Variants in CRHBP observed in about 807,000 individuals in gnomAD.
CRHBP encodes corticotropin-releasing hormone-binding protein.
Under a neutral mutation model 34.9 loss-of-function variants are expected in CRHBP, and 19 were observed. The observed-to-expected ratio is 0.55, with a 90% confidence interval of 0.38 to 0.80. The LOEUF is 0.80. CRHBP is among the 30% of genes least tolerant of loss of function. CRHBP has a pLI of 0.00. For missense variants in CRHBP, 328 were observed against 409.2 expected (o/e 0.80, Z 1.71); for synonymous variants, 154 against 153.4 (o/e 1.00, Z -0.03).
At chr5:76,974,611 G>T (rs950866348) in intron 2 of CRHBP, among the ~76,000 whole-genome samples, 3 of 152,128 alleles carry the variant, frequency 2.0e-5, no homozygotes, top group Admixed American at 6.5e-5. Flanking sequence ...AATGCCTATT[G>T]TAGGGTAGTC....
downstream of CRHBP, among the ~76,000 whole-genome samples, chr5:76,971,156 C>T (rs1233327692): frequency 2.0e-5 from 3 of 152,108 alleles, no homozygotes; most frequent in Non-Finnish European, 4.4e-5. Flanking sequence ...GGAAGTATAG[C>T]GTAGTGGTTA....
chr5:76,976,863 T>C (rs185516013), intron 3 of CRHBP, among the ~76,000 whole-genome samples: 1 of 152,356 alleles, frequency 6.6e-6, no homozygotes, highest in Non-Finnish European at 1.5e-5. Context: ...ATTACTATTT[T>C]TTTTCTTGAA....
At chr5:76,957,511 G>A (rs557278938) in intron 4 of CRHBP, among the ~76,000 whole-genome samples, 4 of 152,120 alleles carry the variant, frequency 2.6e-5, no homozygotes, top group African/African-American at 7.2e-5. Context: ...TCAGCCTCCC[G>A]AGTAGCTGGG....
intron 3 of CRHBP, among the ~76,000 whole-genome samples, chr5:76,980,067 C>A (rs980946451): frequency 6.6e-6 from 1 of 150,616 alleles, no homozygotes; most frequent in Non-Finnish European, 1.5e-5. Flanking sequence ...CTGGCTAACA[C>A]GGTGAAACCC....
chr5:76,979,475 C>T (rs541217002), intron 3 of CRHBP, among the ~76,000 whole-genome samples: 57 of 152,108 alleles, frequency 3.7e-4, no homozygotes, highest in Non-Finnish European at 7.2e-4. Context: ...CTCAGCCTCC[C>T]GAGTAGCTGG....
intron 5 of CRHBP, chr5:76,963,091 T>TA (rs544946133): frequency 5.7e-5 from 23 of 403,396 alleles, no homozygotes; most frequent in Middle Eastern, 6.9e-4. Context: ...TCCTTGAGCT[T>TA]AAAAAAAATG....
At chr5:76,958,694 G>A (rs1745728013) in intron 4 of CRHBP, 47 bp from the exon 5 acceptor site, 1 of 1,575,760 alleles carries the variant, frequency 6.3e-7, no homozygotes, top group Non-Finnish European at 8.6e-7. Flanking sequence ...TAAAAACCTA[G>A]CAAACCAAGT....
In CRHBP at chr5:76,963,292, A is replaced by G. The variant is rs147534880; in HGVS notation, c.694-51A>G. ...GACCCGCTGTTGGTCAAATGGTTTGACTTCTGTAATTGGTTTAAATGTGTC... is the reference window on the plus strand; with the variant it reads ...GACCCGCTGTTGGTCAAATGGTTTGGCTTCTGTAATTGGTTTAAATGTGTC... On this transcript the variant is annotated intron_variant, in intron 5 of 6. Transcript: ENST00000274368. The G allele has an allele frequency of 7.6e-4, 1,151 of 1,512,526 alleles. 17 individuals carry two copies. The Admixed American group carries it at 0.016, about 21-fold the overall frequency. 93.7% of individuals were successfully genotyped at this position (1,512,526 alleles called of 1,614,324 possible). A position where few individuals can be genotyped will look rare whatever the true frequency, so the allele number is the denominator to read the frequency against.
chr5:76,959,215 C>A lies in CRHBP; in HGVS notation c.693+326C>A, dbSNP rs144925055. 3.0e-4 allele frequency among the ~76,000 whole-genome samples: 45 copies of A among 151,560 alleles called. 1 individual carries two copies. The East Asian group carries it at 7.0e-3, about 24-fold the overall frequency. On this transcript the variant is annotated intron_variant, in intron 5 of 6. Transcript: ENST00000274368. ...CTTGCCTCTTTTACAAAAATTCTCT[C>A]CTAGCAGAACGTAGTGTGAGTCATC... is the stretch of plus-strand genomic sequence containing the variant.
At chr5:76,953,281 TG>T in intron 1 of CRHBP, 66 bp downstream of exon 1, 1 of 1,466,628 alleles carries the variant, frequency 6.8e-7, no homozygotes, top group Non-Finnish European at 9.5e-7. Context: ...GCAGGCAGGC[TG>T]CCTCTGCTCG....
At chr5:76,980,439 G>A (rs960907161) in intron 3 of CRHBP, among the ~76,000 whole-genome samples, 16 of 152,122 alleles carry the variant, frequency 1.1e-4, no homozygotes, top group African/African-American at 3.4e-4. Context: ...AAAGCATTCT[G>A]GTCCTTATTT....
chr5:76,977,236 T>C (rs754334512), intron 3 of CRHBP, among the ~76,000 whole-genome samples: 1 of 152,228 alleles, frequency 6.6e-6, no homozygotes, highest in Non-Finnish European at 1.5e-5. Flanking sequence ...GGCTTTATTC[T>C]TGAATCATAG....
chr5:76,953,216 G>GTGAGCCA lies in CRHBP; in HGVS notation c.81+2_81+8dup, dbSNP rs774724370. Reference sequence around the variant, plus strand: ...AAGAGGGGAAAGCCGGTACCTAGAGGTGAGCCACCCCTGGACTGACCCATC... The same window carrying GTGAGCCA: ...AAGAGGGGAAAGCCGGTACCTAGAGGTGAGCCATGAGCCACCCCTGGACTGACCCATC... On this transcript the variant is annotated splice_donor_variant, in intron 1 of 6. Transcript: ENST00000274368. LOFTEE classifies it high-confidence loss of function. 1.9e-5 allele frequency: 30 copies of GTGAGCCA among 1,614,010 alleles called. No homozygotes were observed. The highest frequency in any genetic ancestry group is 2.5e-5 in the Non-Finnish European group (30 of 1,179,884).
chr5:76,955,582 C>G (rs903229309), intron 3 of CRHBP, 71 bp from the exon 4 acceptor site: 32 of 1,424,186 alleles, frequency 2.2e-5, no homozygotes, highest in East Asian at 2.1e-4. Context: ...ACTTTCCCCC[C>G]CTTTTCAACT....
chr5:76,966,990 C>T (rs1170010760), intron 6 of CRHBP, among the ~76,000 whole-genome samples: 1 of 152,138 alleles, frequency 6.6e-6, no homozygotes, highest in African/African-American at 2.4e-5. Context: ...TGCCTGTAAT[C>T]CCAACACTTT....
Position 76,968,869 on chromosome 5 carries a change from G to T in CRHBP, c.953G>T (p.Cys318Phe). The T allele has an allele frequency of 6.2e-7, 1 of 1,613,516 alleles. No individual in the cohort carries two copies. Among genetic ancestry groups the T allele is most frequent in the Non-Finnish European group, 8.5e-7 (1 of 1,179,726 alleles). Residue 318 changes from cysteine to phenylalanine, a missense_variant, in exon 7 of 7, where the codon TGT becomes TTT. Physicochemically the swap from Cys to Phe is radical, Grantham distance 205 (BLOSUM62 -2). Around this residue, in one of 3 missense-constraint regions of CRHBP, gnomAD observed 144 missense variants for 216.7 expected, o/e 0.66. Coordinates refer to ENST00000274368, the MANE Select transcript of CRHBP (RefSeq NM_001882.4). ...AATGGAAACAGTATCGGGGAATTCT[G>T]TTTGTCTGGTCTTTGAATAACCAAC... ...NPNGNSIGEFCLSGL is the reference protein window; with the variant it reads ...NPNGNSIGEFFLSGL
chr5:76,977,952 T>C (rs1445965326), intron 3 of CRHBP, among the ~76,000 whole-genome samples: 1 of 152,204 alleles, frequency 6.6e-6, no homozygotes, highest in East Asian at 1.9e-4. Context: ...TTATTGCTGA[T>C]GTGGAGAAAG....
intron 3 of CRHBP, among the ~76,000 whole-genome samples, chr5:76,955,015 G>T (rs1410145431): frequency 1.3e-5 from 2 of 152,160 alleles, no homozygotes; most frequent in African/African-American, 4.8e-5. Flanking sequence ...GTGATTTTGA[G>T]GGTCAAGTCA....
At chr5:76,965,110 T>C (rs899021528) in intron 6 of CRHBP, among the ~76,000 whole-genome samples, 1 of 151,910 alleles carries the variant, frequency 6.6e-6, no homozygotes. Flanking sequence ...TGATTTAAAG[T>C]ATATGGGAGG....
Sources: allele counts gnomAD v4.1 joint callset (sites outside exome capture counted in the v4.1 genomes callset), GRCh38; gene constraint gnomAD v4.1.1; regional missense constraint gnomAD v4.1.1; transcripts MANE v1.5; gene names NCBI Gene and HGNC (gene_info 2026-07-23, HGNC 2026-07-21).